The following SLC9A9 variants were observed in gnomAD, a reference collection of about 807,000 sequenced individuals.
SLC9A9 encodes sodium/hydrogen exchanger 9.
In SLC9A9, 62 loss-of-function variants were observed where a neutral mutation model predicts 77.8. The observed-to-expected ratio is 0.80, with a 90% confidence interval of 0.65 to 0.98. SLC9A9 has a LOEUF of 0.98. Among genes scored for constraint, SLC9A9 ranks in the 50% least tolerant of loss-of-function variants. The pLI is 0.00. For synonymous variants in SLC9A9, 320 were observed against 283.5 expected (o/e 1.13, Z -1.29); for missense variants, 775 against 774.9 (o/e 1.00, Z 0.00).
chr3:143,474,605 G>A (rs1268260181), intron 11 of SLC9A9, among the ~76,000 whole-genome samples: 1 of 152,028 alleles, frequency 6.6e-6, no homozygotes, highest in East Asian at 2.0e-4. Flanking sequence ...GAGCATGTCT[G>A]GGTGTATAAG....
intron 4 of SLC9A9, among the ~76,000 whole-genome samples, chr3:143,711,140 C>A (rs745466148): frequency 6.6e-6 from 1 of 152,160 alleles, no homozygotes; most frequent in Non-Finnish European, 1.5e-5. Flanking sequence ...GGTTTTCAAC[C>A]ACATAAATAT....
intron 13 of SLC9A9, among the ~76,000 whole-genome samples, chr3:143,376,762 T>C (rs1314921444): frequency 6.6e-6 from 1 of 152,192 alleles, no homozygotes; most frequent in Non-Finnish European, 1.5e-5. Flanking sequence ...ATAAATTCAA[T>C]GTTGGCCAAG....
At chr3:143,840,344 A>ATGG (rs67271722) in intron 1 of SLC9A9, among the ~76,000 whole-genome samples, 135,185 of 151,906 alleles carry the variant, frequency 0.89, 61,367 homozygotes, top group South Asian at 0.99. Flanking sequence ...CCAGAAGCAT[A>ATGG]GTTAATGGTT....
chr3:143,341,645 G>A (rs143155369), intron 14 of SLC9A9, among the ~76,000 whole-genome samples: 256 of 152,188 alleles, frequency 1.7e-3, no homozygotes, highest in African/African-American at 5.8e-3. Context: ...AGGATTTCCC[G>A]AACCCTGTTC....
intron 5 of SLC9A9, among the ~76,000 whole-genome samples, chr3:143,667,888 G>C (rs2039096255): frequency 2.6e-5 from 4 of 152,312 alleles, no homozygotes; most frequent in South Asian, 2.1e-4. Context: ...GTTGGTGGGA[G>C]TGTAAACTAG....
At chr3:143,416,981 T>C (rs1576482929) in intron 12 of SLC9A9, among the ~76,000 whole-genome samples, 1 of 152,136 alleles carries the variant, frequency 6.6e-6, no homozygotes, top group South Asian at 2.1e-4. Context: ...ACAGCACTGC[T>C]GGAGGAGGAT....
chr3:143,333,967 C>T (rs770594219), intron 14 of SLC9A9, among the ~76,000 whole-genome samples: 2 of 152,198 alleles, frequency 1.3e-5, no homozygotes, highest in Non-Finnish European at 2.9e-5. Context: ...CTCAGCTCTA[C>T]AATTTCCATC....
At chr3:143,588,637 T>G (rs2037595264) in intron 6 of SLC9A9, among the ~76,000 whole-genome samples, 1 of 152,246 alleles carries the variant, frequency 6.6e-6, no homozygotes, top group African/African-American at 2.4e-5. Context: ...CAATTTAGCT[T>G]GAAACATGTT....
At chr3:143,373,524 G>C (rs183811885) in intron 13 of SLC9A9, among the ~76,000 whole-genome samples, 1 of 144,840 alleles carries the variant, frequency 6.9e-6, no homozygotes, top group Non-Finnish European at 1.5e-5. Context: ...AGTGATGGGT[G>C]CACTAAAATC....
Position 143,330,764 on chromosome 3 carries a change from G to C in SLC9A9, c.1604+32720C>G, listed in dbSNP as rs75836920. On this transcript the variant is annotated intron_variant, in intron 14 of 15. Coordinates refer to ENST00000316549, the MANE Select transcript of SLC9A9 (RefSeq NM_173653.4). ...GACTTTTAATTAAGCATATTAACCT[G>C]ATATATTATCATTTGAGAAGCAACT... is the stretch of plus-strand genomic sequence containing the variant. Among the ~76,000 whole-genome samples the C allele has an allele frequency of 6.7e-3, 1,025 of 152,264 alleles. 7 individuals carry two copies. The highest frequency in any genetic ancestry group is 0.024 in the African/African-American group (980 of 41,532).
At chr3:143,458,875 C>T (rs892303214) in intron 12 of SLC9A9, among the ~76,000 whole-genome samples, 16 of 152,072 alleles carry the variant, frequency 1.1e-4, no homozygotes, top group African/African-American at 3.9e-4. Context: ...CCCTCCAATA[C>T]CATTTTCCTT....
chr3:143,784,337 C>T (rs1388065150), intron 4 of SLC9A9, among the ~76,000 whole-genome samples: 3 of 152,018 alleles, frequency 2.0e-5, no homozygotes, highest in African/African-American at 4.8e-5. Flanking sequence ...TCTAAATATA[C>T]CACTTAAGTC....
At chr3:143,621,029 G>C (rs2038201726) in intron 6 of SLC9A9, among the ~76,000 whole-genome samples, 1 of 152,196 alleles carries the variant, frequency 6.6e-6, no homozygotes, top group Non-Finnish European at 1.5e-5. Flanking sequence ...TAGCACAGCA[G>C]TCTGAGATCA....
At chr3:143,829,219 GTCT>G (rs1490821136) in intron 2 of SLC9A9, among the ~76,000 whole-genome samples, 1 of 152,006 alleles carries the variant, frequency 6.6e-6, no homozygotes, top group East Asian at 1.9e-4. Flanking sequence ...CCTTCCTCAA[GTCT>G]TCTTTCCTCC....
chr3:143,676,230 C>G (rs1369770147), intron 5 of SLC9A9, among the ~76,000 whole-genome samples: 1 of 152,164 alleles, frequency 6.6e-6, no homozygotes, highest in South Asian at 2.1e-4. Context: ...TGGTTCCTAA[C>G]AAGCCACAGA....
intron 11 of SLC9A9, among the ~76,000 whole-genome samples, chr3:143,490,161 A>G (rs770943548): frequency 6.6e-6 from 1 of 152,164 alleles, no homozygotes; most frequent in African/African-American, 2.4e-5. Flanking sequence ...CAGCAATTCT[A>G]CTTCTGGGTA....
At chr3:143,594,142 T>A (rs868547827) in intron 6 of SLC9A9, among the ~76,000 whole-genome samples, 1 of 152,090 alleles carries the variant, frequency 6.6e-6, no homozygotes, top group East Asian at 1.9e-4. Flanking sequence ...AAAAAAAAAA[T>A]TTCTGGCTTT....
At chr3:143,544,055 G>GAAC (rs4025525) in intron 9 of SLC9A9, among the ~76,000 whole-genome samples, 79,517 of 151,550 alleles carry the variant, frequency 0.52, 21,031 homozygotes, top group African/African-American at 0.58. Flanking sequence ...TTTTTTAAAA[G>GAAC]AGCCATTCTG....
intron 8 of SLC9A9, among the ~76,000 whole-genome samples, chr3:143,562,024 A>G (rs2037095930): frequency 6.6e-6 from 1 of 152,174 alleles, no homozygotes; most frequent in Middle Eastern, 3.2e-3. Context: ...TGTCACAATT[A>G]AGCTACCAGA....
Sources: gnomAD v4.1 joint callset for allele counts (sites outside exome capture counted in the v4.1 genomes callset) on GRCh38, gnomAD v4.1.1 for gene constraint, MANE v1.5 for transcripts, NCBI Gene and HGNC (gene_info 2026-07-23, HGNC 2026-07-21) for gene names.